The following PLA2G2C variants were observed in gnomAD, a reference collection of about 807,000 sequenced individuals.
PLA2G2C encodes putative inactive group IIC secretory phospholipase A2.
In PLA2G2C, 15 loss-of-function variants were observed where a neutral mutation model predicts 14.3. The observed-to-expected ratio is 1.05, with a 90% CI of 0.70 to 1.62. The LOEUF (loss-of-function observed/expected upper bound fraction) is 1.62. PLA2G2C is among the 40% of genes most tolerant of loss of function. The pLI is 0.00. For synonymous variants in PLA2G2C, 79 were observed against 67.7 expected (o/e 1.17, Z -0.82); for missense variants, 162 against 173.2 (o/e 0.94, Z 0.36).
At chr1:20,181,231 CATGAATGAATGA>C (rs1431975452) in intron 1 of PLA2G2C, among the ~76,000 whole-genome samples, 4 of 152,086 alleles carry the variant, frequency 2.6e-5, no homozygotes, top group African/African-American at 7.2e-5. Flanking sequence ...ATATTTGAGG[CATGAATGAATGA>C]GTGAATGAGT....
At chr1:20,172,658 G>T (rs955869535) in intron 4 of PLA2G2C, 136 bp downstream of exon 4, 2 of 755,882 alleles carry the variant, frequency 2.6e-6, no homozygotes, top group East Asian at 2.8e-5. Context: ...GGAGCATCAG[G>T]AGAAAGCTCA....
In PLA2G2C at chr1:20,178,227, A is replaced by G. The variant is rs142646885; in HGVS notation, c.-76-788T>C. Among the ~76,000 whole-genome samples the G allele has an allele frequency of 3.5e-3, 533 of 152,332 alleles. 1 individual carries two copies. The highest frequency in any genetic ancestry group is 0.012 in the African/African-American group (488 of 41,582). On this transcript the variant is annotated intron_variant, in intron 1 of 4. Coordinates refer to ENST00000679259, the MANE Select transcript of PLA2G2C (RefSeq NM_001367969.2). ...GAAGAATGTGGGTTGCAGCCCTGCC[A>G]TGGAGCTGCCAGGGATCAGCCAATG...
At chr1:20,177,599 T>C (rs1021898868) in intron 1 of PLA2G2C, among the ~76,000 whole-genome samples, 160 bp from the exon 2 acceptor site, 1 of 152,094 alleles carries the variant, frequency 6.6e-6, no homozygotes, top group African/African-American at 2.4e-5. Context: ...GATCTGAACA[T>C]ATAAAAATAA....
chr1:20,182,897 T>A (rs1381483211), intron 1 of PLA2G2C, among the ~76,000 whole-genome samples: 1 of 151,744 alleles, frequency 6.6e-6, no homozygotes, highest in African/African-American at 2.4e-5. Context: ...CCTGGGGAGG[T>A]CATTTGGACC....
At chr1:20,185,400 G>A (rs973573145) in intron 1 of PLA2G2C, among the ~76,000 whole-genome samples, 72 of 152,292 alleles carry the variant, frequency 4.7e-4, no homozygotes, top group African/African-American at 1.7e-3. Flanking sequence ...GGATAGGGAA[G>A]AAGCAGATTG....
chr1:20,177,538 A>G (rs2018208305), intron 1 of PLA2G2C, 99 bp from the exon 2 acceptor site: 1 of 443,458 alleles, frequency 2.3e-6, no homozygotes, highest in Non-Finnish European at 4.0e-6. Context: ...ACTCAAAGAA[A>G]TCATTTTCAA....
intron 2 of PLA2G2C, among the ~76,000 whole-genome samples, chr1:20,175,910 CTTTTT>C (rs1245322352): frequency 7.1e-6 from 1 of 139,894 alleles, no homozygotes; most frequent in Admixed American, 7.1e-5. Context: ...CCCTTTCCTT[CTTTTT>C]TTTTTTTTTT....
At chr1:20,179,214 G>GTC (rs1212095077) in intron 1 of PLA2G2C, among the ~76,000 whole-genome samples, 12 of 134,528 alleles carry the variant, frequency 8.9e-5, no homozygotes, top group African/African-American at 4.1e-4. Flanking sequence ...CAGTTTCTCT[G>GTC]TGTGTGTGTG....
intron 4 of PLA2G2C, among the ~76,000 whole-genome samples, chr1:20,166,502 G>T (rs1005587783): frequency 6.6e-6 from 1 of 152,144 alleles, no homozygotes; most frequent in South Asian, 2.1e-4. Flanking sequence ...AGGGGACGAG[G>T]GCTACTTGAG....
At chr1:20,179,735 AGTGTGTGTGTGTGT>A (rs3035013) in intron 1 of PLA2G2C, among the ~76,000 whole-genome samples, 7 of 111,472 alleles carry the variant, frequency 6.3e-5, no homozygotes, top group Non-Finnish European at 3.8e-5. Context: ...CCTCTATGTC[AGTGTGTGTGTGTGT>A]GTGTGTGTGT....
intron 4 of PLA2G2C, among the ~76,000 whole-genome samples, chr1:20,170,955 C>T (rs1250656031): frequency 7.1e-6 from 1 of 141,802 alleles, no homozygotes; most frequent in Admixed American, 6.9e-5. Flanking sequence ...TCAACCTTTG[C>T]TCCACTCTCC....
At chr1:20,176,554 G>A (rs999402732) in intron 2 of PLA2G2C, among the ~76,000 whole-genome samples, 4 of 152,184 alleles carry the variant, frequency 2.6e-5, no homozygotes, top group African/African-American at 7.2e-5. Context: ...ACCCATGGGC[G>A]GTCACTGCTG....
At chr1:20,168,990 G>A (rs1040997263) in intron 4 of PLA2G2C, among the ~76,000 whole-genome samples, 12 of 152,284 alleles carry the variant, frequency 7.9e-5, no homozygotes, top group African/African-American at 2.9e-4. Flanking sequence ...GACAGACCAA[G>A]TTGTTTTCTT....
At chr1:20,167,869 T>C (rs1336183404) in intron 4 of PLA2G2C, among the ~76,000 whole-genome samples, 5 of 152,218 alleles carry the variant, frequency 3.3e-5, no homozygotes, top group Non-Finnish European at 7.3e-5. Context: ...CCCTTCTGTC[T>C]CCTGACCCCC....
intron 4 of PLA2G2C, among the ~76,000 whole-genome samples, chr1:20,169,606 C>G (rs2018036223): frequency 6.6e-6 from 1 of 152,166 alleles, no homozygotes; most frequent in South Asian, 2.1e-4. Context: ...GAAAAGAAAA[C>G]TTGGACAAAA....
chr1:20,183,031 G>T (rs1450110305), intron 1 of PLA2G2C, among the ~76,000 whole-genome samples: 2 of 152,212 alleles, frequency 1.3e-5, no homozygotes, highest in Non-Finnish European at 2.9e-5. Context: ...AGTAAGCATT[G>T]TGTGGACAAG....
At chr1:20,183,022 G>A (rs1213776310) in intron 1 of PLA2G2C, among the ~76,000 whole-genome samples, 1 of 152,208 alleles carries the variant, frequency 6.6e-6, no homozygotes, top group Non-Finnish European at 1.5e-5. Flanking sequence ...GTATCACAAA[G>A]TAAGCATTGT....
At chr1:20,180,062 G>A (rs541834172) in intron 1 of PLA2G2C, among the ~76,000 whole-genome samples, 19 of 151,718 alleles carry the variant, frequency 1.3e-4, no homozygotes, top group African/African-American at 4.4e-4. Flanking sequence ...TCCATTATGT[G>A]TCAGCTTCTC....
chr1:20,179,912 T>C (rs1329922535), intron 1 of PLA2G2C, among the ~76,000 whole-genome samples: 1 of 151,746 alleles, frequency 6.6e-6, no homozygotes, highest in Admixed American at 6.6e-5. Flanking sequence ...CTGTGTCAGC[T>C]TCTCCCTTCC....
Sources: allele counts gnomAD v4.1 joint callset (sites outside exome capture counted in the v4.1 genomes callset), GRCh38; gene constraint gnomAD v4.1.1; transcripts MANE v1.5; gene names NCBI Gene and HGNC (gene_info 2026-07-23, HGNC 2026-07-21).